Variants in NCAM1 observed in about 807,000 individuals in gnomAD.
NCAM1 encodes the protein antigen recognized by monoclonal antibody 5.1H11.
In NCAM1, 14 loss-of-function variants were observed where a neutral mutation model predicts 109.8. That is an observed-to-expected ratio of 0.13 (90% CI 0.08 to 0.20). NCAM1 has a LOEUF of 0.20. NCAM1 is among the 10% of genes least tolerant of loss of function. The pLI is 1.00. For synonymous variants in NCAM1, 418 were observed against 442.9 expected, an observed-to-expected ratio of 0.94 and a Z score of 0.70; for missense variants, 774 against 1,109.9, an observed-to-expected ratio of 0.70 and a Z score of 4.30.
intron 14 of NCAM1, 137 bp downstream of exon 14, chr11:113,235,301 C>T (rs1591444705): frequency 6.5e-7 from 1 of 1,545,174 alleles, no homozygotes; most frequent in Non-Finnish European, 8.8e-7. Flanking sequence ...CTGGAGGCCC[C>T]ACCTCCTAGT....
intron 9 of NCAM1, 41 bp downstream of exon 9, chr11:113,221,366 A>G: frequency 5.1e-6 from 8 of 1,555,902 alleles, no homozygotes; most frequent in Non-Finnish European, 7.0e-6. Context: ...TAGTTTTGAA[A>G]GCATTACAGT....
In NCAM1 at chr11:112,962,013, G is replaced by T. The variant is rs1187139593; in HGVS notation, c.52+349G>T. Among the ~76,000 whole-genome samples, 2 of 152,216 alleles carry T rather than the reference G, an allele frequency of 1.3e-5. No individual in the cohort carries two copies. The highest frequency in any genetic ancestry group is 4.8e-5 in the African/African-American group (2 of 41,464). ...CAGCGCTCCTTCCCCAAAGGCGGGC[G>T]GCGGGGCGGGGGAGGTCGCGGCTCG... On this transcript the variant is annotated intron_variant, in intron 1 of 19. Transcript: ENST00000316851. The surrounding 1 kb of genome is among the most constrained non-coding windows in gnomAD (Gnocchi z 5.6).
At chr11:113,261,880 T>C (rs1470468075) in intron 17 of NCAM1, among the ~76,000 whole-genome samples, 1 of 152,196 alleles carries the variant, frequency 6.6e-6, no homozygotes, top group Non-Finnish European at 1.5e-5. Context: ...CACTGGCTTC[T>C]GTGGTTTTTG....
chr11:112,968,219 T>A (rs183567836), intron 1 of NCAM1, among the ~76,000 whole-genome samples: 1 of 152,328 alleles, frequency 6.6e-6, no homozygotes, highest in East Asian at 1.9e-4. Context: ...TTCACTTTTA[T>A]TTGACAGAAG....
intron 17 of NCAM1, chr11:113,263,201 C>T (rs768824649): frequency 9.9e-5 from 110 of 1,113,882 alleles, no homozygotes; most frequent in Non-Finnish European, 1.2e-4. Context: ...TTTTAAAAAC[C>T]ATCATGCTAG....
chr11:113,104,793 A>G (rs1940077577), intron 1 of NCAM1, among the ~76,000 whole-genome samples: 3 of 152,218 alleles, frequency 2.0e-5, no homozygotes, highest in Admixed American at 6.5e-5. Context: ...TGAAGAAGTT[A>G]ATGTATAACC....
Position 113,231,743 on chromosome 11 carries a change from C to T in NCAM1, c.1188C>T (p.Thr396=), listed in dbSNP as rs782777447. The T allele has an allele frequency of 1.2e-5, 20 of 1,613,766 alleles. No homozygotes were observed. Among genetic ancestry groups the T allele is most frequent in the African/African-American group, 8.0e-5 (6 of 74,866 alleles). The change falls in exon 10 of 20, where the codon ACC becomes ACT. Residue 396 remains threonine, a synonymous_variant. Transcript: ENST00000316851. ...QYTDAGEYIC[T]ASNTIGQDSQ... ...CTGATGCCGGAGAGTACATCTGCAC[C>T]GCCAGCAACACCATCGGCCAGGACT...
chr11:113,173,867 T>A (rs1341263985), intron 1 of NCAM1, among the ~76,000 whole-genome samples: 1 of 151,912 alleles, frequency 6.6e-6, no homozygotes, highest in Non-Finnish European at 1.5e-5. Flanking sequence ...TTACTGTGCT[T>A]TATGAGTAAA....
At chr11:112,980,423 A>T (rs980258794) in intron 1 of NCAM1, among the ~76,000 whole-genome samples, 3 of 151,804 alleles carry the variant, frequency 2.0e-5, no homozygotes, top group Non-Finnish European at 4.4e-5. Flanking sequence ...AAAAAACCTA[A>T]ATTTCCATCA....
At chr11:113,200,626 C>A (rs1348546061) in intron 1 of NCAM1, among the ~76,000 whole-genome samples, 2 of 152,142 alleles carry the variant, frequency 1.3e-5, no homozygotes, top group African/African-American at 4.8e-5. Context: ...TTTTCCTCAT[C>A]TGGAAAATGA....
chr11:113,256,561 G>C (rs1555122371), intron 16 of NCAM1, among the ~76,000 whole-genome samples: 1 of 152,176 alleles, frequency 6.6e-6, no homozygotes, highest in Non-Finnish European at 1.5e-5. Flanking sequence ...TCTCCCCACT[G>C]CCCAAGGCTG....
At position 113,233,057 on chromosome 11, in the gene NCAM1, G is replaced by C; in HGVS notation, c.1523-90G>C. 4 of 1,333,854 alleles carry C rather than the reference G, an allele frequency of 3.0e-6. No individual in the cohort carries two copies. Among genetic ancestry groups the C allele is most frequent in the Non-Finnish European group, 4.2e-6 (4 of 963,614 alleles). The allele number at this position is 1,333,854 out of a possible 1,614,324, so 82.6% of individuals were successfully genotyped here. On this transcript the variant is annotated intron_variant, in intron 12 of 19. Transcript: ENST00000316851. This position sits in a 1 kb window ranked among gnomAD's most constrained non-coding sequence, Gnocchi z 4.5. ...GTGACAGGATTCCCAAGAGTGAGCA[G>C]AAATGACAGAGATGTGCCTTGTGAC... is the stretch of plus-strand genomic sequence containing the variant.
chr11:113,211,463 G>A (rs1944389938), intron 7 of NCAM1, among the ~76,000 whole-genome samples: 1 of 152,186 alleles, frequency 6.6e-6, no homozygotes, highest in South Asian at 2.1e-4. Context: ...TGTTGCCTTA[G>A]TTATTAGCTA....
chr11:113,171,125 T>G (rs577016855), intron 1 of NCAM1, among the ~76,000 whole-genome samples: 39 of 152,288 alleles, frequency 2.6e-4, no homozygotes, highest in Non-Finnish European at 4.6e-4. Flanking sequence ...TCTCATGTAA[T>G]CGCCACTACA....
intron 16 of NCAM1, among the ~76,000 whole-genome samples, chr11:113,259,050 ATTTT>A (rs558552786): frequency 1.5e-5 from 2 of 134,062 alleles, no homozygotes; most frequent in Admixed American, 7.6e-5. Context: ...AATAGTTTTC[ATTTT>A]TTTTTTTTTT....
At chr11:113,108,808 C>A (rs1940295240) in intron 1 of NCAM1, among the ~76,000 whole-genome samples, 2 of 148,158 alleles carry the variant, frequency 1.3e-5, no homozygotes, top group African/African-American at 5.0e-5. Context: ...CAGAGTCTCA[C>A]CCTGTCGCCC....
chr11:113,232,927 G>C (rs981166408), intron 12 of NCAM1, 113 bp downstream of exon 12: 2 of 1,082,780 alleles, frequency 1.8e-6, no homozygotes, highest in African/African-American at 1.6e-5. Flanking sequence ...AAAGGGCCAG[G>C]GTCAGCAAAG....
At chr11:113,190,640 A>C (rs1267548455) in intron 1 of NCAM1, among the ~76,000 whole-genome samples, 1 of 152,230 alleles carries the variant, frequency 6.6e-6, no homozygotes, top group Non-Finnish European at 1.5e-5. Flanking sequence ...TTTGTTCCCT[A>C]ACTCAAGAAA....
chr11:113,269,324 G>A (rs74866422), intron 17 of NCAM1, among the ~76,000 whole-genome samples: 1 of 152,210 alleles, frequency 6.6e-6, no homozygotes, highest in East Asian at 1.9e-4. Context: ...TTCACAGTGA[G>A]TCCAGCCAGA....
Sources: gnomAD v4.1 joint callset for allele counts (sites outside exome capture counted in the v4.1 genomes callset) on GRCh38, gnomAD v4.1.1 for gene constraint, Gnocchi (gnomAD v3.1) non-coding constraint, MANE v1.5 for transcripts, NCBI Gene and HGNC (gene_info 2026-07-23, HGNC 2026-07-21) for gene names.